Variants in CDH10 observed in about 807,000 individuals in gnomAD.
CDH10 encodes cadherin 10, also known as cadherin-10.
Under a neutral mutation model 73.1 loss-of-function variants are expected in CDH10, and 30 were observed. That is an observed-to-expected ratio of 0.41 (90% CI 0.31 to 0.56). The LOEUF is 0.56. Among genes scored for constraint, CDH10 ranks in the 20% least tolerant of loss-of-function variants. The pLI is 0.27. For missense variants in CDH10, 815 were observed against 973.7 expected (o/e 0.84, Z 2.17); for synonymous variants, 345 against 348.2 (o/e 0.99, Z 0.10).
chr5:24,638,490 G>A (rs1432696143), intron 1 of CDH10, among the ~76,000 whole-genome samples: 1 of 151,792 alleles, frequency 6.6e-6, no homozygotes, highest in Non-Finnish European at 1.5e-5. Context: ...ATATGTCTGT[G>A]CTTAGGATTC....
intron 8 of CDH10, chr5:24,499,434 C>T (rs1742409746): frequency 6.6e-6 from 1 of 152,508 alleles, no homozygotes; most frequent in Non-Finnish European, 1.5e-5. Context: ...GGCTGTAATC[C>T]CAGCATTTTG....
At chr5:24,490,173 G>A (rs1486888722) in intron 11 of CDH10, among the ~76,000 whole-genome samples, 2 of 151,924 alleles carry the variant, frequency 1.3e-5, no homozygotes, top group Non-Finnish European at 2.9e-5. Context: ...TATTTTAATA[G>A]AACAAGTTTT....
At chr5:24,558,312 T>C (rs563480987) in intron 2 of CDH10, among the ~76,000 whole-genome samples, 1 of 151,710 alleles carries the variant, frequency 6.6e-6, no homozygotes, top group Non-Finnish European at 1.5e-5. Context: ...AGCTCATTAT[T>C]ATAAACTATG....
chr5:24,603,394 C>T (rs895749540), intron 1 of CDH10, among the ~76,000 whole-genome samples: 90 of 152,056 alleles, frequency 5.9e-4, no homozygotes, highest in African/African-American at 2.2e-3. Flanking sequence ...AACAACAAAA[C>T]AAAATTGAAA....
At position 24,578,457 on chromosome 5, in the gene CDH10, G is replaced by T. The variant is rs566316778; in HGVS notation, c.231+14803C>A. Reference sequence around the variant, plus strand: ...TTGCCATACAAAGAGTAATAGTCTGGTTTAAGAATCTCTGCTTCAGAATCA... The same window carrying T: ...TTGCCATACAAAGAGTAATAGTCTGTTTTAAGAATCTCTGCTTCAGAATCA... On this transcript the variant is annotated intron_variant, in intron 2 of 11. Coordinates refer to ENST00000264463, the MANE Select transcript of CDH10 (RefSeq NM_006727.5). 3 of 357,760 alleles carry T rather than the reference G, an allele frequency of 8.4e-6. No individual in the cohort carries two copies. In the South Asian group the frequency reaches 8.5e-5, roughly 10 times the overall value. 22.2% of individuals were successfully genotyped at this position (357,760 alleles called of 1,614,324 possible).
intron 1 of CDH10, among the ~76,000 whole-genome samples, chr5:24,639,601 T>C (rs138283322): frequency 1.3e-5 from 2 of 151,826 alleles, no homozygotes; most frequent in South Asian, 4.1e-4. Context: ...GTTTCCCAAA[T>C]TTCCAACTGG....
At chr5:24,494,518 T>A (rs1263719266) in intron 9 of CDH10, among the ~76,000 whole-genome samples, 1 of 151,872 alleles carries the variant, frequency 6.6e-6, no homozygotes, top group Non-Finnish European at 1.5e-5. Context: ...GTGACCGAAA[T>A]GTAAAAATAG....
intron 8 of CDH10, among the ~76,000 whole-genome samples, chr5:24,501,957 C>G (rs552623677): frequency 6.6e-6 from 1 of 151,776 alleles, no homozygotes; most frequent in East Asian, 1.9e-4. Context: ...CTCACTCTGT[C>G]GCCCTGGCTG....
intron 1 of CDH10, among the ~76,000 whole-genome samples, chr5:24,631,664 G>A (rs887132642): frequency 6.6e-6 from 1 of 151,828 alleles, no homozygotes; most frequent in African/African-American, 2.4e-5. Flanking sequence ...CATATCGCAA[G>A]CAGAACACTA....
At chr5:24,562,927 G>A (rs1745013834) in intron 2 of CDH10, among the ~76,000 whole-genome samples, 1 of 152,182 alleles carries the variant, frequency 6.6e-6, no homozygotes, top group Non-Finnish European at 1.5e-5. Flanking sequence ...CTTGATGAAT[G>A]ATCATTGCTG....
chr5:24,635,606 C>T (rs536461965), intron 1 of CDH10, among the ~76,000 whole-genome samples: 102 of 151,674 alleles, frequency 6.7e-4, no homozygotes, highest in Non-Finnish European at 6.6e-4. Flanking sequence ...TCGAGTCTTT[C>T]CTATCGTTTA....
intron 2 of CDH10, among the ~76,000 whole-genome samples, chr5:24,575,713 T>C (rs1230221086): frequency 1.3e-5 from 2 of 152,178 alleles, no homozygotes. Context: ...TTTGTAACAT[T>C]GTTTCCAGTG....
At chr5:24,567,193 C>A (rs550385192) in intron 2 of CDH10, among the ~76,000 whole-genome samples, 7 of 151,966 alleles carry the variant, frequency 4.6e-5, no homozygotes, top group Non-Finnish European at 8.8e-5. Context: ...AAGACTCTAA[C>A]AACACCAATA....
chr5:24,508,151 G>A (rs76351555), intron 7 of CDH10, among the ~76,000 whole-genome samples: 2 of 152,124 alleles, frequency 1.3e-5, no homozygotes, highest in Non-Finnish European at 2.9e-5. Context: ...AATGAGCAAG[G>A]AAAATTAGCC....
At chr5:24,518,466 C>T (rs1743191061) in intron 5 of CDH10, among the ~76,000 whole-genome samples, 1 of 151,986 alleles carries the variant, frequency 6.6e-6, no homozygotes, top group South Asian at 2.1e-4. Context: ...CATGCATATA[C>T]ATAAATACAC....
intron 2 of CDH10, among the ~76,000 whole-genome samples, chr5:24,542,242 A>C (rs1744179258): frequency 6.6e-6 from 1 of 152,190 alleles, no homozygotes; most frequent in African/African-American, 2.4e-5. Context: ...AGTGGAAATG[A>C]AATAAGCTTA....
chr5:24,605,719 G>A (rs897764223), intron 1 of CDH10, among the ~76,000 whole-genome samples: 3 of 152,162 alleles, frequency 2.0e-5, no homozygotes, highest in Non-Finnish European at 4.4e-5. Context: ...CTAGGTACTT[G>A]TTGAGGAAAA....
chr5:24,547,845 C>T (rs1322679032), intron 2 of CDH10, among the ~76,000 whole-genome samples: 1 of 152,138 alleles, frequency 6.6e-6, no homozygotes, highest in Non-Finnish European at 1.5e-5. Flanking sequence ...TGACAAATGG[C>T]CATCGCTCAG....
intron 1 of CDH10, among the ~76,000 whole-genome samples, chr5:24,622,287 G>A (rs1747343955): frequency 6.6e-6 from 1 of 152,090 alleles, no homozygotes; most frequent in South Asian, 2.1e-4. Flanking sequence ...GCTTCTAAAT[G>A]TTATGGGAAA....
Sources: allele counts gnomAD v4.1 joint callset (sites outside exome capture counted in the v4.1 genomes callset), GRCh38; gene constraint gnomAD v4.1.1; transcripts MANE v1.5; gene names NCBI Gene and HGNC (gene_info 2026-07-23, HGNC 2026-07-21).